CEP20: variants seen among roughly 807,000 people sequenced by gnomAD.
CEP20 encodes the protein FGFR1OP N-terminal like.
Under a neutral mutation model 20.0 loss-of-function variants are expected in CEP20, and 18 were observed. That is an observed-to-expected ratio of 0.90 (90% CI 0.62 to 1.34). The LOEUF is 1.34. CEP20 is among the 40% of genes most tolerant of loss of function. The pLI is 0.00. For synonymous variants in CEP20, 77 were observed against 73.7 expected, an observed-to-expected ratio of 1.04 and a Z score of -0.23; for missense variants, 215 against 201.6, an observed-to-expected ratio of 1.07 and a Z score of -0.40.
intron 3 of CEP20, among the ~76,000 whole-genome samples, chr16:15,878,338 A>G (rs892095602): frequency 1.3e-5 from 2 of 152,214 alleles, no homozygotes; most frequent in African/African-American, 4.8e-5. Flanking sequence ...AAAGAGGTGT[A>G]AAGTGCTACG....
chr16:15,882,778 T>C (rs62031719), intron 2 of CEP20, among the ~76,000 whole-genome samples: 1 of 50,552 alleles, frequency 2.0e-5, no homozygotes, highest in Non-Finnish European at 3.6e-5. Flanking sequence ...TATCTATCTA[T>C]CTAGATACAC....
intron 3 of CEP20, among the ~76,000 whole-genome samples, chr16:15,876,852 C>CTT (rs150019067): frequency 2.7e-4 from 37 of 135,932 alleles, no homozygotes; most frequent in African/African-American, 3.0e-4. Flanking sequence ...CTCAAACTTA[C>CTT]TTTTTTTTTT....
intron 4 of CEP20, among the ~76,000 whole-genome samples, chr16:15,868,121 T>C (rs1442341621): frequency 6.6e-6 from 1 of 151,866 alleles, no homozygotes; most frequent in Non-Finnish European, 1.5e-5. Flanking sequence ...CTCTCTTACA[T>C]GTAAGGAATG....
intron 3 of CEP20, among the ~76,000 whole-genome samples, chr16:15,874,096 T>TCA (rs1321426687): frequency 6.6e-6 from 1 of 152,232 alleles, no homozygotes; most frequent in African/African-American, 2.4e-5. Context: ...GGACTCTGTG[T>TCA]AAGATTCTTA....
At chr16:15,871,030 A>G (rs546024828) in intron 4 of CEP20, among the ~76,000 whole-genome samples, 1 of 152,196 alleles carries the variant, frequency 6.6e-6, no homozygotes, top group East Asian at 1.9e-4. Flanking sequence ...TGGGAGGCCA[A>G]GGGGGGTGGA....
chr16:15,877,926 G>T (rs1197919983), intron 3 of CEP20, among the ~76,000 whole-genome samples: 1 of 152,074 alleles, frequency 6.6e-6, no homozygotes, highest in Admixed American at 6.6e-5. Context: ...TGGGCATGGT[G>T]GTGCACACCT....
chr16:15,869,075 C>CA (rs199826502), intron 4 of CEP20, among the ~76,000 whole-genome samples: 49,805 of 133,880 alleles, frequency 0.37, 9,656 homozygotes, highest in Non-Finnish European at 0.46. Context: ...CTCTTAAAAA[C>CA]AAAAAAAAAA....
intron 3 of CEP20, among the ~76,000 whole-genome samples, chr16:15,879,319 G>A (rs1337737692): frequency 6.6e-6 from 1 of 151,960 alleles, no homozygotes; most frequent in East Asian, 1.9e-4. Flanking sequence ...TGGAGTGAAG[G>A]AAGAGTTAAA....
chr16:15,870,989 GC>G (rs1408448268), intron 4 of CEP20, among the ~76,000 whole-genome samples: 1 of 152,154 alleles, frequency 6.6e-6, no homozygotes, highest in African/African-American at 2.4e-5. Flanking sequence ...ATGGCCAGAT[GC>G]AGTGGCTCAC....
chr16:15,883,746 A>C (rs1248418811), intron 2 of CEP20, among the ~76,000 whole-genome samples: 3 of 152,202 alleles, frequency 2.0e-5, no homozygotes, highest in Non-Finnish European at 4.4e-5. Context: ...AAACAGGACA[A>C]AACGTCAACA....
Position 15,880,439 on chromosome 16 carries a change from G to A in CEP20, c.227-551C>T, listed in dbSNP as rs145828243. On this transcript the variant is annotated intron_variant, in intron 2 of 4. Transcript: ENST00000255759. ...AAAACTTATGTTCTCACAAAAACCT[G>A]TATGTAAATGTTTATGGCAGCTTGA... Among the ~76,000 whole-genome samples, 694 of 152,250 alleles carry A rather than the reference G, an allele frequency of 4.6e-3. 3 individuals carry two copies. The highest frequency in any genetic ancestry group is 6.1e-3 in the Non-Finnish European group (415 of 68,014).
rs149555978 is a variant in CEP20 at position 15,879,736 on chromosome 16, G to A, written c.311+68C>T. On this transcript the variant is annotated intron_variant, in intron 3 of 4. Coordinates refer to ENST00000255759, the MANE Select transcript of CEP20 (RefSeq NM_144600.4). ...GAATAAATACTTGAATTAAAATGAA[G>A]TAAAACCACCATGGTGCAATTATGA... The A allele has an allele frequency of 2.3e-4, 205 of 896,720 alleles. 1 individual carries two copies. The African/African-American group carries it at 2.8e-3, about 12-fold the overall frequency. 55.5% of individuals were successfully genotyped at this position (896,720 alleles called of 1,614,324 possible). A position where few individuals can be genotyped will look rare whatever the true frequency, so the allele number is the denominator to read the frequency against.
chr16:15,876,611 A>C lies in CEP20; in HGVS notation c.312-2984T>G, dbSNP rs1218558112. On this transcript the variant is annotated intron_variant, in intron 3 of 4. Transcript: ENST00000255759. ...CTCCTAAGTAGCTAGGACTACAGGCATGTCATTTTAAAACCCGACAGCATT... is the reference window on the plus strand; with the variant it reads ...CTCCTAAGTAGCTAGGACTACAGGCCTGTCATTTTAAAACCCGACAGCATT... Among the ~76,000 whole-genome samples the C allele has an allele frequency of 2.0e-5, 3 of 152,136 alleles. No homozygotes were observed. The East Asian group carries it at 5.8e-4, about 29-fold the overall frequency.
rs533619238 is a variant in CEP20 at position 15,875,233 on chromosome 16, G to A, written c.312-1606C>T. On this transcript the variant is annotated intron_variant, in intron 3 of 4. Coordinates refer to ENST00000255759, the MANE Select transcript of CEP20 (RefSeq NM_144600.4). ...AAGATGCCGCAACTCTTATGAAAGC[G>A]TCACCTAGTAATATAAAACAGGTCT... 3.2e-4 allele frequency among the ~76,000 whole-genome samples: 49 copies of A among 152,290 alleles called. 1 individual carries two copies. Among genetic ancestry groups the A allele is most frequent in the Middle Eastern group, 3.4e-3 (1 of 294 alleles).
chr16:15,884,374 G>C (rs933066140), intron 1 of CEP20, among the ~76,000 whole-genome samples, 169 bp from the exon 2 acceptor site: 1 of 152,142 alleles, frequency 6.6e-6, no homozygotes, highest in South Asian at 2.1e-4. Flanking sequence ...CACCAGCCAT[G>C]TTTATACTAA....
chr16:15,882,188 G>A (rs141205838), intron 2 of CEP20, among the ~76,000 whole-genome samples: 10 of 152,316 alleles, frequency 6.6e-5, no homozygotes, highest in African/African-American at 2.4e-4. Context: ...AGGCCTCCCA[G>A]AAGCTAAGCA....
At chr16:15,879,925 T>A in intron 2 of CEP20, 37 bp from the exon 3 acceptor site, 2 of 1,385,976 alleles carry the variant, frequency 1.4e-6, no homozygotes, top group Non-Finnish European at 1.0e-6. Context: ...CTCAGTCTAT[T>A]AAACTAAAAA....
chr16:15,884,167 GCCCTAATACC>G lies in CEP20; in HGVS notation c.57_66del (p.Val20IlefsTer2). ...TCAGCTCGGATCCTTGCTTTTAAATGCCCTAATACCCCCTTTTTTTCCAAGGTGTCCTTTA... is the reference window on the plus strand; with the variant it reads ...TCAGCTCGGATCCTTGCTTTTAAATGCCCTTTTTTTCCAAGGTGTCCTTTA... On this transcript the variant is annotated frameshift_variant, in exon 2 of 5. Transcript: ENST00000255759. LOFTEE classifies it high-confidence loss of function. 6.2e-7 allele frequency: 1 copy of G among 1,613,070 alleles called. No individual in the cohort carries two copies. The highest frequency in any genetic ancestry group is 8.5e-7 in the Non-Finnish European group (1 of 1,179,142).
At chr16:15,879,008 T>G (rs561520444) in intron 3 of CEP20, among the ~76,000 whole-genome samples, 1 of 151,532 alleles carries the variant, frequency 6.6e-6, no homozygotes, top group Admixed American at 6.6e-5. Flanking sequence ...AGGTCTCCTA[T>G]GTACTTTTTT....
Sources: allele counts gnomAD v4.1 joint callset (sites outside exome capture counted in the v4.1 genomes callset), GRCh38; gene constraint gnomAD v4.1.1; transcripts MANE v1.5; gene names NCBI Gene and HGNC (gene_info 2026-07-23, HGNC 2026-07-21).